Variants in ZNF248 observed in about 807,000 individuals in gnomAD.
The protein encoded by ZNF248 is KRAB protein domain.
A neutral mutation model predicts 44.3 loss-of-function variants in ZNF248; 20 were observed. That is an observed-to-expected ratio of 0.45 (90% CI 0.32 to 0.66). The LOEUF is 0.66. Among genes scored for constraint, ZNF248 ranks in the 30% least tolerant of loss-of-function variants. The pLI, the probability that ZNF248 is intolerant of heterozygous loss-of-function variation, is 0.04. For synonymous variants in ZNF248, 224 were observed against 229.0 expected, an observed-to-expected ratio of 0.98 and a Z score of 0.20; for missense variants, 654 against 677.0, an observed-to-expected ratio of 0.97 and a Z score of 0.38.
chr10:37,842,024 G>T (rs1442865269), intron 3 of ZNF248, among the ~76,000 whole-genome samples: 1 of 152,088 alleles, frequency 6.6e-6, no homozygotes, highest in Non-Finnish European at 1.5e-5. Context: ...GAAAAATTAA[G>T]AAAATCCCAA....
chr10:37,790,707 T>C (rs2048407670), intron 6 of ZNF248, among the ~76,000 whole-genome samples: 1 of 129,666 alleles, frequency 7.7e-6, no homozygotes, highest in South Asian at 2.1e-4. Context: ...AGGCTCCGTC[T>C]CTAAATAAAT....
chr10:37,831,661 T>G lies in ZNF248; in HGVS notation c.1694A>C (p.Lys565Thr). ...CACCCTTGTGTGAATTCTCTGATGTTTGGTGAGCACTGACCTCTGACTAAA... is the reference window on the plus strand; with the variant it reads ...CACCCTTGTGTGAATTCTCTGATGTGTGGTGAGCACTGACCTCTGACTAAA... ...KTFSQRSVLT[K>T]HQRIHTRVKA... Residue 565 changes from lysine to threonine, a missense_variant, in exon 6 of 6, where the codon AAA becomes ACA. Transcript: ENST00000395867. 6.2e-7 allele frequency: 1 copy of G among 1,613,942 alleles called. No homozygotes were observed. The highest frequency in any genetic ancestry group is 8.5e-7 in the Non-Finnish European group (1 of 1,179,874).
chr10:37,777,782 G>A (rs577611737), intron 6 of ZNF248, among the ~76,000 whole-genome samples: 9 of 149,650 alleles, frequency 6.0e-5, no homozygotes, highest in East Asian at 2.0e-4. Flanking sequence ...GAGAATATGC[G>A]GTGTTTGGTT....
downstream of ZNF248, among the ~76,000 whole-genome samples, chr10:37,824,319 T>C (rs985429517): frequency 6.6e-6 from 1 of 152,160 alleles, no homozygotes; most frequent in Admixed American, 6.5e-5. Context: ...CTGCTTTACT[T>C]AGTCTACTGA....
At chr10:37,841,108 G>A (rs1277304813) in intron 3 of ZNF248, among the ~76,000 whole-genome samples, 15 of 152,138 alleles carry the variant, frequency 9.9e-5, no homozygotes, top group Admixed American at 9.8e-4. Flanking sequence ...AAAGGCATAT[G>A]TTCACATGAT....
At chr10:37,828,717 A>T (rs922118668), downstream of ZNF248, 1 of 985,278 alleles carries the variant, frequency 1.0e-6, no homozygotes, top group East Asian at 1.1e-4. Context: ...AGTACATAAT[A>T]AAAATGTATC....
intron 6 of ZNF248, among the ~76,000 whole-genome samples, chr10:37,788,175 G>A (rs2048099642): frequency 6.7e-6 from 1 of 149,634 alleles, no homozygotes; most frequent in Non-Finnish European, 1.5e-5. Context: ...TGAGGCAGGA[G>A]AATCGCTTGA....
the ZNF248 span, among the ~76,000 whole-genome samples, chr10:37,765,009 G>A: frequency 1.3e-5 from 2 of 151,704 alleles, no homozygotes; most frequent in South Asian, 2.1e-4. Context: ...AGCCCAGGCT[G>A]GAATGCAGTG....
intron 3 of ZNF248, among the ~76,000 whole-genome samples, chr10:37,846,524 T>C (rs2059344857): frequency 2.0e-5 from 3 of 152,032 alleles, no homozygotes; most frequent in Admixed American, 2.0e-4. Flanking sequence ...CATGCACCTG[T>C]AGTTCCAATT....
chr10:37,819,137 G>C, intron 6 of ZNF248: 3 of 787,316 alleles, frequency 3.8e-6, no homozygotes, highest in Non-Finnish European at 7.0e-6. Flanking sequence ...AATATTCCCT[G>C]GTTTGAGGTC....
chr10:37,796,222 CT>C lies in ZNF248; in HGVS notation c.331-19648del, dbSNP rs34726037. 4.6e-3 allele frequency: 655 copies of C among 142,700 alleles called. 2 individuals carry two copies. Among genetic ancestry groups the C allele is most frequent in the East Asian group, 5.1e-3 (25 of 4,922 alleles). 8.8% of individuals were successfully genotyped at this position (142,700 alleles called of 1,614,324 possible). ...TCTCCAAACACAAATCTTTATAATA[CT>C]TTTTTTTTTTTTTTGACAGTCTTGC... On this transcript the variant is annotated intron_variant, in intron 6 of 6. Transcript: ENST00000615949.
chr10:37,831,019 T>C lies in ZNF248; in HGVS notation c.*596A>G. On this transcript the variant is annotated 3_prime_UTR_variant, in exon 6 of 6. Transcript: ENST00000395867. Reference sequence around the variant, plus strand: ...GCACATCACTATATTTAAGTATGTGTGTAGAAATATATTTACATATACACA... The same window carrying C: ...GCACATCACTATATTTAAGTATGTGCGTAGAAATATATTTACATATACACA... The C allele has an allele frequency of 1.1e-6, 1 of 913,170 alleles. No homozygotes were observed. The highest frequency in any genetic ancestry group is 1.4e-6 in the Non-Finnish European group (1 of 710,324). 56.6% of individuals were successfully genotyped at this position (913,170 alleles called of 1,614,324 possible). A position where few individuals can be genotyped will look rare whatever the true frequency, so the allele number is the denominator to read the frequency against.
At position 37,800,499 on chromosome 10, in the gene ZNF248, A is replaced by G. The variant is rs1257629062; in HGVS notation, c.331-23924T>C. ...ATTTCATGGTGTATATGTACAATAT[A>G]TTCTTTATCCAGTCTACTGTTGATT... On this transcript the variant is annotated intron_variant, in intron 6 of 6. Transcript: ENST00000615949. Among the ~76,000 whole-genome samples the G allele has an allele frequency of 3.3e-5, 5 of 152,148 alleles. No individual in the cohort carries two copies. The East Asian group carries it at 7.7e-4, about 23-fold the overall frequency.
At chr10:37,854,810 C>T (rs901138148) in intron 3 of ZNF248, among the ~76,000 whole-genome samples, 6 of 152,130 alleles carry the variant, frequency 3.9e-5, no homozygotes, top group Non-Finnish European at 7.3e-5. Context: ...AATTACTAGG[C>T]AATTGTGACA....
Position 37,829,257 on chromosome 10 carries a change from GC to G in ZNF248, c.*2357del. The G allele has an allele frequency of 1.0e-6, 1 of 985,376 alleles. No homozygotes were observed. Among genetic ancestry groups the G allele is most frequent in the Non-Finnish European group, 1.2e-6 (1 of 829,932 alleles). 61.0% of individuals were successfully genotyped at this position (985,376 alleles called of 1,614,324 possible). On this transcript the variant is annotated 3_prime_UTR_variant, in exon 6 of 6. Coordinates refer to ENST00000395867, the MANE Select transcript of ZNF248 (RefSeq NM_021045.3). ...CTCTGGTAACACTGTTTCCCTCCTT[GC>G]CCTTCAAGGCTCAGAATGGCAATGG...
At chr10:37,790,775 C>T (rs1040452649) in intron 6 of ZNF248, among the ~76,000 whole-genome samples, 2 of 148,468 alleles carry the variant, frequency 1.3e-5, no homozygotes, top group African/African-American at 4.9e-5. Context: ...AAAAAGTTAG[C>T]CAAGTGTGAG....
At chr10:37,820,393 A>C (rs2053269237) in intron 6 of ZNF248, 2 of 1,494,424 alleles carry the variant, frequency 1.3e-6, no homozygotes, top group Non-Finnish European at 1.9e-6. Context: ...AGCATTGCTG[A>C]CATGAGGCTG....
At chr10:37,844,228 T>C (rs989852516) in intron 3 of ZNF248, among the ~76,000 whole-genome samples, 13 of 151,890 alleles carry the variant, frequency 8.6e-5, no homozygotes, top group Admixed American at 3.3e-4. Flanking sequence ...AAAACAAAAA[T>C]AAAAATCCTG....
chr10:37,811,560 C>T (rs112991177), intron 6 of ZNF248, among the ~76,000 whole-genome samples: 193 of 151,814 alleles, frequency 1.3e-3, no homozygotes, highest in African/African-American at 4.2e-3. Flanking sequence ...CTAGGCCAGG[C>T]GCAGTGGCTC....
Sources: gnomAD v4.1 joint callset for allele counts (sites outside exome capture counted in the v4.1 genomes callset) on GRCh38, gnomAD v4.1.1 for gene constraint, MANE v1.5 for transcripts, NCBI Gene and HGNC (gene_info 2026-07-23, HGNC 2026-07-21) for gene names.